Variants in RASAL2 observed in about 807,000 individuals in gnomAD.
RASAL2 encodes ras GTPase-activating protein nGAP.
Under a neutral mutation model 128.9 loss-of-function variants are expected in RASAL2, and 58 were observed. The observed-to-expected ratio is 0.45, with a 90% CI of 0.36 to 0.56. The LOEUF (loss-of-function observed/expected upper bound fraction) is 0.56, where lower values mean the gene tolerates loss of function less well. Among genes scored for constraint, RASAL2 ranks in the 20% least tolerant of loss-of-function variants. RASAL2 has a pLI of 0.00. For missense variants in RASAL2, 1,360 were observed against 1,601.6 expected, an observed-to-expected ratio of 0.85 and a Z score of 2.57; for synonymous variants, 561 against 580.8, an observed-to-expected ratio of 0.97 and a Z score of 0.49.
chr1:178,150,468 G>T (rs1334233254), intron 1 of RASAL2, among the ~76,000 whole-genome samples: 2 of 152,106 alleles, frequency 1.3e-5, no homozygotes, highest in South Asian at 4.2e-4. Flanking sequence ...TTACAGGCGT[G>T]ATCCACTGCG....
chr1:178,244,751 G>A (rs929529633), intron 1 of RASAL2, among the ~76,000 whole-genome samples: 6 of 152,018 alleles, frequency 3.9e-5, no homozygotes, highest in Admixed American at 2.0e-4. Context: ...AACAGGCCCC[G>A]GTGTGTGATG....
At chr1:178,402,694 A>T (rs146220644) in intron 4 of RASAL2, among the ~76,000 whole-genome samples, 76 of 152,204 alleles carry the variant, frequency 5.0e-4, no homozygotes, top group African/African-American at 1.3e-3. Flanking sequence ...ACCATCCATA[A>T]TGTGGATTTT....
At chr1:178,466,695 T>G (rs1338875734) in intron 16 of RASAL2, among the ~76,000 whole-genome samples, 2 of 152,234 alleles carry the variant, frequency 1.3e-5, no homozygotes, top group African/African-American at 4.8e-5. Flanking sequence ...ATTAAGTCAC[T>G]TGCCCAAGGT....
chr1:178,295,393 G>C (rs1483934347), intron 2 of RASAL2, among the ~76,000 whole-genome samples: 1 of 151,792 alleles, frequency 6.6e-6, no homozygotes, highest in Non-Finnish European at 1.5e-5. Context: ...GCAGGCCCTG[G>C]TGTCTGTTGT....
chr1:178,412,854 C>T (rs1036393821), intron 4 of RASAL2, among the ~76,000 whole-genome samples: 3 of 152,076 alleles, frequency 2.0e-5, no homozygotes, highest in African/African-American at 7.2e-5. Flanking sequence ...CTCCTAGAGT[C>T]CTACCAGGTT....
At chr1:178,299,106 T>G (rs1412397098) in intron 2 of RASAL2, among the ~76,000 whole-genome samples, 1 of 152,154 alleles carries the variant, frequency 6.6e-6, no homozygotes, top group Admixed American at 6.6e-5. Context: ...AAAAAATGTT[T>G]ATTAGGATTA....
At chr1:178,162,031 C>T (rs545792370) in intron 1 of RASAL2, among the ~76,000 whole-genome samples, 2 of 150,710 alleles carry the variant, frequency 1.3e-5, no homozygotes, top group Admixed American at 6.6e-5. Flanking sequence ...GTGGTGTGAT[C>T]TCTGCTCACT....
chr1:178,461,326 T>C (rs960090888), intron 14 of RASAL2, among the ~76,000 whole-genome samples: 5 of 152,212 alleles, frequency 3.3e-5, no homozygotes, highest in South Asian at 2.1e-4. Flanking sequence ...CTTTGTCCCA[T>C]GCAAATTCCA....
intron 1 of RASAL2, among the ~76,000 whole-genome samples, chr1:178,196,086 T>C (rs1662649974): frequency 6.6e-6 from 1 of 152,072 alleles, no homozygotes. Context: ...GAAGAACAGA[T>C]GTAGAATGTT....
intron 1 of RASAL2, among the ~76,000 whole-genome samples, chr1:178,264,297 A>G (rs570194830): frequency 8.7e-4 from 133 of 152,274 alleles, no homozygotes; most frequent in Non-Finnish European, 1.6e-3. Context: ...TTCTTTCACT[A>G]TTTACCATCA....
At chr1:178,465,814 A>AG (rs1647615145) in intron 15 of RASAL2, 106 bp from the exon 16 acceptor site, 1 of 1,099,926 alleles carries the variant, frequency 9.1e-7, no homozygotes, top group African/African-American at 1.7e-5. Flanking sequence ...AAAAAAAGAA[A>AG]AAAGAAAAAG....
At chr1:178,396,534 A>G (rs1174534075) in intron 4 of RASAL2, among the ~76,000 whole-genome samples, 1 of 152,116 alleles carries the variant, frequency 6.6e-6, no homozygotes, top group Non-Finnish European at 1.5e-5. Context: ...TGATTAAGCT[A>G]GAGTTAGCTA....
chr1:178,121,494 CTT>C (rs1439464541), intron 1 of RASAL2, among the ~76,000 whole-genome samples: 1 of 145,422 alleles, frequency 6.9e-6, no homozygotes. Flanking sequence ...TGGTTGTTTT[CTT>C]TTTTTTTTTG....
chr1:178,187,566 T>C (rs1053100635), intron 1 of RASAL2, among the ~76,000 whole-genome samples: 2 of 152,140 alleles, frequency 1.3e-5, no homozygotes, highest in African/African-American at 2.4e-5. Context: ...CTCTCTGTTG[T>C]CTAGTATCTG....
chr1:178,337,611 G>A (rs1052643754), intron 3 of RASAL2, among the ~76,000 whole-genome samples: 1 of 152,042 alleles, frequency 6.6e-6, no homozygotes, highest in Non-Finnish European at 1.5e-5. Flanking sequence ...CTTACAGCCT[G>A]GTATAACCTC....
Position 178,304,250 on chromosome 1 carries a change from G to A in RASAL2, c.457+4132G>A, listed in dbSNP as rs56030701. On this transcript the variant is annotated intron_variant, in intron 3 of 17. Transcript: ENST00000367649. Reference sequence around the variant, plus strand: ...ACTAACGAAAATCATTAGGCCAGGTGTGATGGCTCACACCTATAATCCCAG... The same window carrying A: ...ACTAACGAAAATCATTAGGCCAGGTATGATGGCTCACACCTATAATCCCAG... Among the ~76,000 whole-genome samples, 1,116 of 152,238 alleles carry A rather than the reference G, an allele frequency of 7.3e-3. 7 individuals are homozygous for A. The highest frequency in any genetic ancestry group is 0.014 in the Middle Eastern group (4 of 294).
At chr1:178,241,849 G>A (rs1664512477) in intron 1 of RASAL2, among the ~76,000 whole-genome samples, 1 of 152,162 alleles carries the variant, frequency 6.6e-6, no homozygotes. Flanking sequence ...TGTATGCAGA[G>A]GCCATGGCTG....
chr1:178,157,246 A>C (rs1022878445), intron 1 of RASAL2, among the ~76,000 whole-genome samples: 22 of 152,314 alleles, frequency 1.4e-4, no homozygotes, highest in African/African-American at 5.1e-4. Context: ...TAGAGTAGGC[A>C]CTTGATCTGG....
chr1:178,102,433 C>T (rs1164223162), intron 1 of RASAL2, among the ~76,000 whole-genome samples: 3 of 152,088 alleles, frequency 2.0e-5, no homozygotes, highest in South Asian at 4.1e-4. Context: ...TCATAGCTTA[C>T]ATATTATCCA....
Sources: gnomAD v4.1 joint callset for allele counts (sites outside exome capture counted in the v4.1 genomes callset) on GRCh38, gnomAD v4.1.1 for gene constraint, MANE v1.5 for transcripts, NCBI Gene and HGNC (gene_info 2026-07-23, HGNC 2026-07-21) for gene names.